CACHD1: variants seen among roughly 807,000 people sequenced by gnomAD.
CACHD1 encodes the protein cache domain containing 1, also known as VWFA and cache domain-containing protein 1.
A neutral mutation model predicts 138.7 loss-of-function variants in CACHD1; 71 were observed. That is an observed-to-expected ratio of 0.51 (90% CI 0.42 to 0.62). The LOEUF (loss-of-function observed/expected upper bound fraction) is 0.62. Ranked by LOEUF, CACHD1 falls within the 20% of genes least tolerant of loss-of-function variation. The pLI is 0.00. For synonymous variants in CACHD1, 578 were observed against 591.5 expected, an observed-to-expected ratio of 0.98 and a Z score of 0.33; for missense variants, 1,389 against 1,625.3, an observed-to-expected ratio of 0.85 and a Z score of 2.50.
chr1:64,666,207 A>G (rs760553545), intron 16 of CACHD1, 40 bp downstream of exon 16: 8 of 1,318,896 alleles, frequency 6.1e-6, no homozygotes, highest in African/African-American at 1.7e-5. Flanking sequence ...TCTTAAATAT[A>G]TCAAGGATAT....
intron 2 of CACHD1, among the ~76,000 whole-genome samples, chr1:64,571,058 A>G (rs1050104642): frequency 1.3e-5 from 2 of 152,126 alleles, no homozygotes; most frequent in Admixed American, 6.5e-5. Context: ...CCTTTTCTCT[A>G]TTGAGTGATA....
At chr1:64,504,576 G>C (rs551855785) in intron 1 of CACHD1, among the ~76,000 whole-genome samples, 2 of 152,126 alleles carry the variant, frequency 1.3e-5, no homozygotes, top group South Asian at 4.1e-4. Flanking sequence ...ACCTCTGCTT[G>C]GTTTCATTTT....
intron 21 of CACHD1, among the ~76,000 whole-genome samples, chr1:64,676,197 G>A (rs1649985862): frequency 6.6e-6 from 1 of 152,006 alleles, no homozygotes; most frequent in Non-Finnish European, 1.5e-5. Context: ...TTTAACTGCT[G>A]TAAAAGTATT....
intron 4 of CACHD1, among the ~76,000 whole-genome samples, chr1:64,623,773 T>C (rs1557524669): frequency 6.6e-6 from 1 of 152,184 alleles, no homozygotes. Context: ...TGCACATGTG[T>C]CTGTCTGAGG....
intron 3 of CACHD1, among the ~76,000 whole-genome samples, chr1:64,589,302 A>G (rs1160997889): frequency 1.3e-5 from 2 of 152,104 alleles, no homozygotes; most frequent in Admixed American, 6.5e-5. Flanking sequence ...GAATTATATG[A>G]TTTCAGGAAT....
intron 7 of CACHD1, among the ~76,000 whole-genome samples, chr1:64,639,845 A>C (rs1387752204): frequency 6.6e-6 from 1 of 152,240 alleles, no homozygotes; most frequent in Non-Finnish European, 1.5e-5. Context: ...GTACTTCAGG[A>C]ATCTGGACAC....
At chr1:64,611,449 T>C (rs1252415070) in intron 4 of CACHD1, among the ~76,000 whole-genome samples, 1 of 152,250 alleles carries the variant, frequency 6.6e-6, no homozygotes, top group Non-Finnish European at 1.5e-5. Context: ...GCATACAGTT[T>C]TAGAAACAGC....
intron 1 of CACHD1, among the ~76,000 whole-genome samples, chr1:64,499,336 A>C (rs957957833): frequency 1.3e-5 from 2 of 152,216 alleles, no homozygotes; most frequent in African/African-American, 2.4e-5. Context: ...TCCTTAGTTC[A>C]CTGCATTCAT....
At position 64,692,235 on chromosome 1, in the gene CACHD1, T is replaced by A. The variant is rs1650586543; in HGVS notation, c.*674T>A. The A allele has an allele frequency of 6.6e-6, 1 of 152,512 alleles. No homozygotes were observed. Among genetic ancestry groups the A allele is most frequent in the Non-Finnish European group, 1.5e-5 (1 of 68,142 alleles). The allele number at this position is 152,512 out of a possible 1,614,324, so 9.4% of individuals were successfully genotyped here. A position where few individuals can be genotyped will look rare whatever the true frequency, so the allele number is the denominator to read the frequency against. On this transcript the variant is annotated 3_prime_UTR_variant, in exon 27 of 27. Coordinates refer to ENST00000651257, the MANE Select transcript of CACHD1 (RefSeq NM_020925.4). ...TGGTTCTTTGATTAAGGAGCTCTAT[T>A]TCTTATTTAACTGATATCCCACTGC...
intron 1 of CACHD1, among the ~76,000 whole-genome samples, chr1:64,489,104 T>A (rs1420538626): frequency 6.6e-6 from 1 of 152,206 alleles, no homozygotes; most frequent in African/African-American, 2.4e-5. Context: ...TTAACTCTTT[T>A]TAAGCTAGTC....
intron 13 of CACHD1, among the ~76,000 whole-genome samples, chr1:64,659,731 C>T (rs1343074275): frequency 6.6e-6 from 1 of 152,150 alleles, no homozygotes; most frequent in South Asian, 2.1e-4. Context: ...ACTGACAGTA[C>T]AGTAAAACAG....
chr1:64,646,845 A>G (rs1399158691), intron 8 of CACHD1, among the ~76,000 whole-genome samples: 1 of 152,232 alleles, frequency 6.6e-6, no homozygotes, highest in African/African-American at 2.4e-5. Context: ...AATGCTAAAG[A>G]CATATGTGGT....
chr1:64,676,013 A>AC (rs1649978579), intron 21 of CACHD1, 30 bp downstream of exon 21: 1 of 440,978 alleles, frequency 2.3e-6, no homozygotes, highest in African/African-American at 4.1e-5. Flanking sequence ...TAATAATAAT[A>AC]ATAATAATAA....
chr1:64,667,684 A>G (rs1649680510), intron 16 of CACHD1, among the ~76,000 whole-genome samples: 1 of 152,222 alleles, frequency 6.6e-6, no homozygotes, highest in South Asian at 2.1e-4. Context: ...GAGGGGAAGC[A>G]GTCACCTTGG....
At chr1:64,569,662 C>T (rs756746281) in intron 2 of CACHD1, among the ~76,000 whole-genome samples, 14 of 152,134 alleles carry the variant, frequency 9.2e-5, no homozygotes, top group Non-Finnish European at 1.6e-4. Context: ...CTGGGTGTTA[C>T]GTAAGCAGCC....
intron 24 of CACHD1, among the ~76,000 whole-genome samples, chr1:64,680,035 G>A (rs1450555994): frequency 6.6e-6 from 1 of 152,186 alleles, no homozygotes; most frequent in Non-Finnish European, 1.5e-5. Flanking sequence ...GATGCTGAGT[G>A]GGAAATTTTG....
intron 4 of CACHD1, among the ~76,000 whole-genome samples, chr1:64,625,734 T>A (rs1391458622): frequency 6.6e-6 from 1 of 152,156 alleles, no homozygotes; most frequent in Non-Finnish European, 1.5e-5. Flanking sequence ...TATATCCACA[T>A]AACAAAACTG....
Position 64,488,927 on chromosome 1 carries a change from C to T in CACHD1, c.198+17985C>T, listed in dbSNP as rs1020954718. On this transcript the variant is annotated intron_variant, in intron 1 of 26. Transcript: ENST00000651257. ...GTCAACCAAATACAGCCCTGCTTTC[C>T]TGGAGTGAACATTCTACTGGGGGAT... Among the ~76,000 whole-genome samples, 3 of 152,290 alleles carry T rather than the reference C, an allele frequency of 2.0e-5. No homozygotes were observed. The East Asian group carries it at 5.8e-4, about 29-fold the overall frequency.
At chr1:64,652,385 A>G (rs745719210) in intron 10 of CACHD1, 75 bp downstream of exon 10, 313 of 1,312,948 alleles carry the variant, frequency 2.4e-4, no homozygotes, top group Non-Finnish European at 3.1e-4. Context: ...TATTCTACAA[A>G]CAAAATAGGA....
Sources: allele counts gnomAD v4.1 joint callset (sites outside exome capture counted in the v4.1 genomes callset), GRCh38; gene constraint gnomAD v4.1.1; transcripts MANE v1.5; gene names NCBI Gene and HGNC (gene_info 2026-07-23, HGNC 2026-07-21).